Variants in BCAR3 observed in about 807,000 individuals in gnomAD.
The protein encoded by BCAR3 is BCAR3 adaptor protein, NSP family member.
Under a neutral mutation model 80.1 loss-of-function variants are expected in BCAR3, and 37 were observed. That is an observed-to-expected ratio of 0.46 (90% CI 0.36 to 0.61). The LOEUF (loss-of-function observed/expected upper bound fraction) is 0.61. Ranked by LOEUF, BCAR3 falls within the 20% of genes least tolerant of loss-of-function variation. The pLI is 0.00. For missense variants in BCAR3, 978 were observed against 1,068.2 expected (o/e 0.92, Z 1.18); for synonymous variants, 389 against 418.9 (o/e 0.93, Z 0.87).
chr1:93,832,513 C>T (rs1488492622), intron 2 of BCAR3, among the ~76,000 whole-genome samples: 2 of 152,196 alleles, frequency 1.3e-5, no homozygotes, highest in African/African-American at 2.4e-5. Context: ...CAGATCTTCT[C>T]GGCTTAGCAG....
intron 2 of BCAR3, among the ~76,000 whole-genome samples, chr1:93,730,589 A>G (rs542658886): frequency 1.3e-5 from 2 of 152,278 alleles, no homozygotes; most frequent in East Asian, 3.9e-4. Flanking sequence ...GCTTTCCCTC[A>G]TACCAAGGAA....
chr1:93,779,531 G>A (rs1223325250), intron 2 of BCAR3, among the ~76,000 whole-genome samples: 4 of 152,194 alleles, frequency 2.6e-5, no homozygotes, highest in Non-Finnish European at 4.4e-5. Context: ...TGGGTATTGG[G>A]ATCAGAGAAG....
chr1:93,654,749 T>C (rs1489537062), intron 2 of BCAR3, among the ~76,000 whole-genome samples: 1 of 152,172 alleles, frequency 6.6e-6, no homozygotes, highest in Non-Finnish European at 1.5e-5. Context: ...TTGCCCAGAA[T>C]ATTCATCCCC....
At chr1:93,835,161 C>G (rs1315121480) in intron 2 of BCAR3, among the ~76,000 whole-genome samples, 3 of 152,166 alleles carry the variant, frequency 2.0e-5, no homozygotes, top group African/African-American at 7.2e-5. Context: ...TCTAAATGTG[C>G]CTTCCATGTC....
chr1:93,687,668 CAACAT>C (rs1409292763), intron 3 of BCAR3, among the ~76,000 whole-genome samples: 1 of 152,162 alleles, frequency 6.6e-6, no homozygotes, highest in Non-Finnish European at 1.5e-5. Flanking sequence ...CATGAACAGA[CAACAT>C]AACAATGACT....
intron 3 of BCAR3, among the ~76,000 whole-genome samples, chr1:93,607,505 G>C (rs1674807870): frequency 6.6e-6 from 1 of 151,994 alleles, no homozygotes; most frequent in Non-Finnish European, 1.5e-5. Context: ...GCATGAGTTA[G>C]GGGGATGCTG....
At chr1:93,683,879 T>A (rs1299026864), upstream of BCAR3, among the ~76,000 whole-genome samples, 1 of 152,222 alleles carries the variant, frequency 6.6e-6, no homozygotes, top group Non-Finnish European at 1.5e-5. Context: ...TCCTTCAGTT[T>A]ATAAAAATCA....
At chr1:93,742,772 CA>C (rs1651221160) in intron 2 of BCAR3, among the ~76,000 whole-genome samples, 1 of 152,170 alleles carries the variant, frequency 6.6e-6, no homozygotes, top group Admixed American at 6.5e-5. Flanking sequence ...CAAATTGAAA[CA>C]GGGGTCTTTT....
At chr1:93,661,557 C>T (rs947016555) in intron 2 of BCAR3, among the ~76,000 whole-genome samples, 6 of 151,696 alleles carry the variant, frequency 4.0e-5, no homozygotes, top group South Asian at 2.1e-4. Flanking sequence ...GTGCAATCTC[C>T]GCTCACTGCA....
chr1:93,731,571 G>A (rs905974909), intron 2 of BCAR3, among the ~76,000 whole-genome samples: 1 of 152,014 alleles, frequency 6.6e-6, no homozygotes, highest in Non-Finnish European at 1.5e-5. Context: ...GCTCAGCTAT[G>A]AAAACATGTT....
chr1:93,682,701 C>G (rs1405168703), upstream of BCAR3, among the ~76,000 whole-genome samples: 2 of 152,162 alleles, frequency 1.3e-5, no homozygotes, highest in Non-Finnish European at 2.9e-5. Context: ...ATTACAGGCG[C>G]ACGCCACTAT....
chr1:93,749,645 CT>C (rs1651482629), intron 2 of BCAR3, among the ~76,000 whole-genome samples: 3 of 148,290 alleles, frequency 2.0e-5, no homozygotes. Context: ...ATTAACAAAA[CT>C]GAAACTAGGA....
At chr1:93,829,942 TATA>T (rs1257648535) in intron 2 of BCAR3, among the ~76,000 whole-genome samples, 2 of 152,200 alleles carry the variant, frequency 1.3e-5, no homozygotes, top group Non-Finnish European at 2.9e-5. Flanking sequence ...CTTGGTACTG[TATA>T]ATGATAGAGT....
chr1:93,602,297 A>C (rs1237054275), intron 3 of BCAR3: 1 of 152,130 alleles, frequency 6.6e-6, no homozygotes, highest in Non-Finnish European at 1.5e-5. Context: ...CAATGAGCTC[A>C]GGGTGGGAAA....
chr1:93,648,035 A>T (rs1027928387), intron 2 of BCAR3, among the ~76,000 whole-genome samples: 1 of 152,026 alleles, frequency 6.6e-6, no homozygotes, highest in Admixed American at 6.5e-5. Flanking sequence ...CGGCCTCCCA[A>T]AGTGCTGGGA....
chr1:93,810,933 A>G (rs954839220), intron 2 of BCAR3, among the ~76,000 whole-genome samples: 2 of 152,238 alleles, frequency 1.3e-5, no homozygotes. Context: ...TCCAAGGTCA[A>G]AACTCAAATC....
chr1:93,734,516 G>A (rs1438910928), intron 2 of BCAR3, among the ~76,000 whole-genome samples: 1 of 152,190 alleles, frequency 6.6e-6, no homozygotes, highest in South Asian at 2.1e-4. Flanking sequence ...CGTCTGAGGA[G>A]GTCAGATGGG....
At chr1:93,564,561 A>G (rs1164000263) in intron 11 of BCAR3, among the ~76,000 whole-genome samples, 4 of 152,130 alleles carry the variant, frequency 2.6e-5, no homozygotes, top group African/African-American at 9.7e-5. Context: ...TACAGGCGTG[A>G]GCCACCGTGC....
At chr1:93,802,265 A>G (rs552888126) in intron 2 of BCAR3, among the ~76,000 whole-genome samples, 127 of 152,112 alleles carry the variant, frequency 8.3e-4, no homozygotes, top group Non-Finnish European at 1.1e-3. Context: ...AGCCATAATC[A>G]CACCACTGCA....
Sources: gnomAD v4.1 joint callset for allele counts (sites outside exome capture counted in the v4.1 genomes callset) on GRCh38, gnomAD v4.1.1 for gene constraint, MANE v1.5 for transcripts, NCBI Gene and HGNC (gene_info 2026-07-23, HGNC 2026-07-21) for gene names.